Variants in SEC31A observed in about 807,000 individuals in gnomAD.
SEC31A encodes the protein SEC31 homolog A, COPII component.
In SEC31A, 70 loss-of-function variants were observed where a neutral mutation model predicts 151.0. The observed-to-expected ratio is 0.46, with a 90% CI of 0.38 to 0.57. The LOEUF (loss-of-function observed/expected upper bound fraction) is 0.57, where lower values mean the gene tolerates loss of function less well. Ranked by LOEUF, SEC31A falls within the 20% of genes least tolerant of loss-of-function variation. The probability of loss-of-function intolerance (pLI) is 0.00; values close to 1 mark genes in which losing one functional copy is unlikely to be tolerated. For missense variants in SEC31A, 1,330 were observed against 1,471.2 expected, an observed-to-expected ratio of 0.90 and a Z score of 1.57; for synonymous variants, 475 against 505.9, an observed-to-expected ratio of 0.94 and a Z score of 0.82.
At chr4:82,864,027 T>C (rs1734746069) in intron 11 of SEC31A, among the ~76,000 whole-genome samples, 1 of 152,210 alleles carries the variant, frequency 6.6e-6, no homozygotes, top group Non-Finnish European at 1.5e-5. Context: ...AGATCTACTA[T>C]AGATGTTAAA....
chr4:82,848,308 T>C (rs1384860400), intron 20 of SEC31A, among the ~76,000 whole-genome samples: 1 of 59,874 alleles, frequency 1.7e-5, no homozygotes, highest in Non-Finnish European at 3.7e-5. Context: ...AATATCTAAA[T>C]TGTCCAAAAA....
At chr4:82,890,660 C>A in intron 1 of SEC31A, 1 of 795,360 alleles carries the variant, frequency 1.3e-6, no homozygotes, top group Non-Finnish European at 1.5e-6. Flanking sequence ...ACCTTTAAAT[C>A]TGGCAATAGT....
intron 11 of SEC31A, among the ~76,000 whole-genome samples, 195 bp downstream of exon 11, chr4:82,864,167 T>G (rs916547680): frequency 2.0e-5 from 3 of 152,208 alleles, no homozygotes; most frequent in African/African-American, 7.2e-5. Context: ...CATATTACAC[T>G]TTTCAAAGCA....
chr4:82,824,546 A>T lies in SEC31A; in HGVS notation c.3411+9T>A. The T allele has an allele frequency of 6.2e-7, 1 of 1,606,926 alleles. No homozygotes were observed. Among genetic ancestry groups the T allele is most frequent in the Non-Finnish European group, 8.5e-7 (1 of 1,178,258 alleles). ...AAGCAAAATATGATTTAAAAAAATA[A>T]ATACATACAGGGTCTGTTGCTGAAG... On this transcript the variant is annotated intron_variant, in intron 25 of 26. Coordinates refer to ENST00000395310, the MANE Select transcript of SEC31A (RefSeq NM_001077207.4).
chr4:82,875,587 G>A, intron 5 of SEC31A, 140 bp downstream of exon 5: 1 of 612,940 alleles, frequency 1.6e-6, no homozygotes, highest in Non-Finnish European at 2.9e-6. Flanking sequence ...ATTAATTACT[G>A]AAGAAAAATC....
intron 8 of SEC31A, 124 bp from the exon 9 acceptor site, chr4:82,867,440 T>A: frequency 1.3e-6 from 1 of 780,510 alleles, no homozygotes; most frequent in Non-Finnish European, 2.0e-6. Flanking sequence ...AGAAAGTATC[T>A]TTAGCCAGGA....
chr4:82,845,096 A>G, intron 20 of SEC31A: 1 of 712,110 alleles, frequency 1.4e-6, no homozygotes, highest in South Asian at 1.8e-5. Context: ...AGGCAGATGG[A>G]TGGGGAGTGG....
Position 82,851,524 on chromosome 4 carries a change from G to C in SEC31A, c.2235C>G (p.Leu745=), listed in dbSNP as rs779988149. ...QAMDTSTVGV[L]LAAKMSQYAN... ...CATACTGACTCATCTTCGCAGCCAA[G>C]AGAACTCCTACAGTACTAGTGTCCA... The change falls in exon 19 of 27, where the codon CTC becomes CTG. Residue 745 remains leucine, a synonymous_variant. Transcript: ENST00000395310. 1.4e-5 allele frequency: 22 copies of C among 1,613,964 alleles called. No homozygotes were observed. Among genetic ancestry groups the C allele is most frequent in the Non-Finnish European group, 1.7e-5 (20 of 1,179,962 alleles).
chr4:82,891,980 A>G (rs1453847191), upstream of SEC31A, among the ~76,000 whole-genome samples: 1 of 152,228 alleles, frequency 6.6e-6, no homozygotes, highest in Admixed American at 6.5e-5. Flanking sequence ...CATTACATCT[A>G]GCATTCAAAG....
At chr4:82,890,654 T>C in intron 1 of SEC31A, 1 of 777,964 alleles carries the variant, frequency 1.3e-6, no homozygotes, top group Non-Finnish European at 1.6e-6. Flanking sequence ...CTATGAACCT[T>C]TAAATCTGGC....
chr4:82,845,284 C>T, intron 20 of SEC31A: 1 of 1,508,722 alleles, frequency 6.6e-7, no homozygotes, highest in African/African-American at 1.4e-5. Flanking sequence ...ACAGTAGGGG[C>T]AATTCTAACC....
upstream of SEC31A, chr4:82,893,605 T>C (rs1378951996): frequency 6.6e-6 from 1 of 152,252 alleles, no homozygotes; most frequent in African/African-American, 2.4e-5. Context: ...TAAACAAAAT[T>C]TGTATCAACT....
chr4:82,878,628 T>A (rs1578364422), intron 4 of SEC31A, 102 bp downstream of exon 4: 2 of 953,170 alleles, frequency 2.1e-6, no homozygotes, highest in South Asian at 1.6e-5. Flanking sequence ...ATAGCCACAG[T>A]TTTTTAACTT....
At chr4:82,847,598 CCATGCAACGCTGAGAAATT>C (rs764400102) in intron 20 of SEC31A, among the ~76,000 whole-genome samples, 45 of 152,142 alleles carry the variant, frequency 3.0e-4, no homozygotes, top group Admixed American at 9.2e-4. Flanking sequence ...CGGTAACCAG[CCATGCAACGCTGAGAAATT>C]CAAGCTCTGT....
intron 18 of SEC31A, 151 bp from the exon 19 acceptor site, chr4:82,851,755 G>GT: frequency 1.6e-6 from 1 of 642,882 alleles, no homozygotes. Flanking sequence ...CACTATTTAG[G>GT]TAAGTGAAAA....
upstream of SEC31A, chr4:82,895,215 C>CT (rs1336972070): frequency 6.6e-6 from 1 of 152,208 alleles, no homozygotes; most frequent in Non-Finnish European, 1.5e-5. Context: ...GGTGTGGTGG[C>CT]TTATGACTAT....
chr4:82,867,000 C>G (rs964664385), intron 9 of SEC31A, 40 bp from the exon 10 acceptor site: 7 of 1,587,592 alleles, frequency 4.4e-6, no homozygotes, highest in African/African-American at 1.4e-5. Context: ...CGACCATACA[C>G]AAAGTTTCAT....
chr4:82,891,195 C>G, upstream of SEC31A: 1 of 1,531,516 alleles, frequency 6.5e-7, no homozygotes, highest in Non-Finnish European at 8.7e-7. Context: ...CTCCACGTTC[C>G]GTTCCAACGT....
intron 24 of SEC31A, 66 bp from the exon 25 acceptor site, chr4:82,824,740 A>G: frequency 1.5e-5 from 23 of 1,547,548 alleles, no homozygotes; most frequent in Non-Finnish European, 2.0e-5. Context: ...ACAATCTTGA[A>G]TCTATGTGAT....
Sources: gnomAD v4.1 joint callset for allele counts (sites outside exome capture counted in the v4.1 genomes callset) on GRCh38, gnomAD v4.1.1 for gene constraint, MANE v1.5 for transcripts, NCBI Gene and HGNC (gene_info 2026-07-23, HGNC 2026-07-21) for gene names.